FAF1: variants seen among roughly 807,000 people sequenced by gnomAD.
FAF1 encodes Fas associated factor 1, also known as FAS-associated factor 1.
Under a neutral mutation model 92.5 loss-of-function variants are expected in FAF1, and 25 were observed. The ratio of observed to expected loss-of-function variants is 0.27; its 90% CI spans 0.20 to 0.38. The LOEUF is 0.38. Among genes scored for constraint, FAF1 ranks in the 10% least tolerant of loss-of-function variants. The pLI, the probability that FAF1 is intolerant of heterozygous loss-of-function variation, is 1.00. For synonymous variants in FAF1, 234 were observed against 273.2 expected, an observed-to-expected ratio of 0.86 and a Z score of 1.42; for missense variants, 636 against 793.3, an observed-to-expected ratio of 0.80 and a Z score of 2.38.
At chr1:50,528,687 G>T (rs945766475) in intron 15 of FAF1, among the ~76,000 whole-genome samples, 7 of 152,158 alleles carry the variant, frequency 4.6e-5, no homozygotes, top group Admixed American at 3.9e-4. Flanking sequence ...TCTGAACTGT[G>T]TAAGTCCACT....
chr1:50,933,280 T>A (rs904555499), intron 1 of FAF1, among the ~76,000 whole-genome samples: 2 of 152,124 alleles, frequency 1.3e-5, no homozygotes, highest in Non-Finnish European at 2.9e-5. Context: ...TAAAATGGAG[T>A]GCTTTTAACA....
chr1:50,559,396 A>C (rs1334715174), intron 13 of FAF1, among the ~76,000 whole-genome samples: 1 of 152,046 alleles, frequency 6.6e-6, no homozygotes, highest in East Asian at 1.9e-4. Context: ...TCCTTTCAGT[A>C]CTATTAGGAA....
intron 4 of FAF1, chr1:50,780,678 G>T: frequency 3.7e-6 from 1 of 271,102 alleles, no homozygotes; most frequent in South Asian, 3.9e-5. Flanking sequence ...AGAGGACTAT[G>T]ATGAGCATGT....
intron 6 of FAF1, among the ~76,000 whole-genome samples, chr1:50,708,696 T>C (rs1363875883): frequency 6.6e-6 from 1 of 152,030 alleles, no homozygotes; most frequent in Non-Finnish European, 1.5e-5. Flanking sequence ...CCCTAGGGCA[T>C]TTCAGTCATT....
At position 50,490,451 on chromosome 1, in the gene FAF1, GGAAGGAAGGAAA is replaced by G. The variant is rs1363445179; in HGVS notation, c.1653+125_1653+136del. 92 of 295,664 alleles carry G rather than the reference GGAAGGAAGGAAA, an allele frequency of 3.1e-4. 3 individuals carry two copies. The highest frequency in any genetic ancestry group is 9.9e-4 in the African/African-American group (25 of 25,362). The allele number at this position is 295,664 out of a possible 1,614,324, so 18.3% of individuals were successfully genotyped here. A position where few individuals can be genotyped will look rare whatever the true frequency, so the allele number is the denominator to read the frequency against. ...AGGAAGGAAGGAAGGAAGGAAGGAA[GGAAGGAAGGAAA>G]AAGAAAGAAGGAAGGAAGGAAGGAA... On this transcript the variant is annotated intron_variant, in intron 17 of 18. Coordinates refer to ENST00000396153, the MANE Select transcript of FAF1 (RefSeq NM_007051.3).
intron 6 of FAF1, among the ~76,000 whole-genome samples, chr1:50,707,382 CT>C (rs1169279285): frequency 6.6e-6 from 1 of 151,902 alleles, no homozygotes; most frequent in African/African-American, 2.4e-5. Context: ...AAGCAAGGAC[CT>C]TTGTCATTAT....
intron 1 of FAF1, among the ~76,000 whole-genome samples, chr1:50,937,284 T>G (rs369391408): frequency 4.6e-5 from 7 of 152,136 alleles, no homozygotes; most frequent in East Asian, 1.9e-4. Context: ...TCTCTTCTTT[T>G]GAAGTGTTTC....
intron 8 of FAF1, among the ~76,000 whole-genome samples, chr1:50,646,368 GAAAT>G (rs1289861192): frequency 2.0e-5 from 3 of 152,074 alleles, no homozygotes; most frequent in African/African-American, 7.2e-5. Flanking sequence ...ATTTTTATTA[GAAAT>G]AAATGATTCT....
At chr1:50,560,290 G>A (rs1649839226) in intron 13 of FAF1, among the ~76,000 whole-genome samples, 1 of 152,206 alleles carries the variant, frequency 6.6e-6, no homozygotes, top group South Asian at 2.1e-4. Flanking sequence ...TCTTGCCAAA[G>A]ATTAAGTAAT....
At chr1:50,596,254 C>T (rs753123847) in intron 8 of FAF1, 38 bp from the exon 9 acceptor site, 20 of 1,425,684 alleles carry the variant, frequency 1.4e-5, no homozygotes, top group East Asian at 6.8e-5. Context: ...AAACAAAATA[C>T]GGCCATGTTT....
At chr1:50,569,105 T>C (rs1326717189) in intron 12 of FAF1, among the ~76,000 whole-genome samples, 1 of 152,180 alleles carries the variant, frequency 6.6e-6, no homozygotes, top group African/African-American at 2.4e-5. Flanking sequence ...AGGAAGTTTG[T>C]AATCAGATAC....
rs1646150839 is a variant in FAF1, at chr1:50,439,607, C to T, written c.*1833G>A. 6.6e-6 allele frequency: 1 copy of T among 152,118 alleles called. No individual in the cohort carries two copies. Among genetic ancestry groups the T allele is most frequent in the South Asian group, 2.1e-4 (1 of 4,826 alleles). The allele number at this position is 152,118 out of a possible 1,614,324, so 9.4% of individuals were successfully genotyped here. On this transcript the variant is annotated 3_prime_UTR_variant, in exon 19 of 19. Coordinates refer to ENST00000396153, the MANE Select transcript of FAF1 (RefSeq NM_007051.3). ...TGAATTCAGAGTACCTTCCCTCAAA[C>T]CCCACCCACACCCCTGCTGCTGTTC...
rs149720677 is a variant in FAF1 at position 50,506,938 on chromosome 1, A to T, written c.1495-15137T>A. Among the ~76,000 whole-genome samples the T allele has an allele frequency of 4.4e-3, 669 of 152,306 alleles. 2 individuals carry two copies. The highest frequency in any genetic ancestry group is 6.0e-3 in the Non-Finnish European group (407 of 68,030). On this transcript the variant is annotated intron_variant, in intron 15 of 18. Coordinates refer to ENST00000396153, the MANE Select transcript of FAF1 (RefSeq NM_007051.3). ...CCTTCTTCTTCCTGCCATTACTGCC[A>T]TTACCTCTATCTTAAGTTCTGACAT... is the stretch of plus-strand genomic sequence containing the variant.
chr1:50,749,866 A>G (rs1207870537), intron 4 of FAF1, among the ~76,000 whole-genome samples: 3 of 152,068 alleles, frequency 2.0e-5, no homozygotes, highest in African/African-American at 4.8e-5. Flanking sequence ...TAGAACAAAC[A>G]CTTCGTTGGG....
intron 8 of FAF1, among the ~76,000 whole-genome samples, chr1:50,623,986 GAGGAAGAAGA>G (rs1301541438): frequency 2.6e-4 from 40 of 151,174 alleles, no homozygotes; most frequent in African/African-American, 7.8e-4. Context: ...AGAGGAAGAA[GAGGAAGAAGA>G]AGGAAGAAGA....
intron 2 of FAF1, among the ~76,000 whole-genome samples, chr1:50,827,591 T>TC (rs1644113375): frequency 1.3e-5 from 2 of 150,852 alleles, no homozygotes; most frequent in Admixed American, 6.6e-5. Flanking sequence ...CCCTGCCACA[T>TC]CCCCCTCTCC....
intron 2 of FAF1, among the ~76,000 whole-genome samples, chr1:50,820,847 ATGTGTG>A (rs59160200): frequency 6.7e-6 from 1 of 149,714 alleles, no homozygotes; most frequent in African/African-American, 2.5e-5. Flanking sequence ...CTGAATAATA[ATGTGTG>A]TGTGTGTGTG....
chr1:50,547,331 T>C (rs115478001), intron 13 of FAF1, among the ~76,000 whole-genome samples: 2,953 of 152,296 alleles, frequency 0.019, 38 homozygotes, highest in Non-Finnish European at 0.032. Flanking sequence ...TAAAAAAGCA[T>C]ATCTCATCTG....
chr1:50,595,103 G>A (rs111358652), intron 9 of FAF1, among the ~76,000 whole-genome samples: 35,211 of 151,160 alleles, frequency 0.23, 4,521 homozygotes, highest in Middle Eastern at 0.43. Context: ...TGCCCAGGCT[G>A]GAGTGCAATG....
Sources: gnomAD v4.1 joint callset for allele counts (sites outside exome capture counted in the v4.1 genomes callset) on GRCh38, gnomAD v4.1.1 for gene constraint, MANE v1.5 for transcripts, NCBI Gene and HGNC (gene_info 2026-07-23, HGNC 2026-07-21) for gene names.